Variants in CDH12 observed in about 807,000 individuals in gnomAD.
The protein encoded by CDH12 is cadherin 12, also known as cadherin-12.
CDH12 carries 41 observed loss-of-function variants against 74.1 expected under a neutral mutation model. That is an observed-to-expected ratio of 0.55 (90% confidence interval 0.43 to 0.72). The LOEUF (loss-of-function observed/expected upper bound fraction) is 0.72. Among genes scored for constraint, CDH12 ranks in the 30% least tolerant of loss-of-function variants. The pLI is 0.00. For synonymous variants in CDH12, 399 were observed against 355.0 expected (o/e 1.12, Z -1.39); for missense variants, 945 against 977.2 (o/e 0.97, Z 0.44).
chr5:22,410,874 C>CA (rs1743142861), intron 2 of CDH12, among the ~76,000 whole-genome samples: 3 of 151,980 alleles, frequency 2.0e-5, no homozygotes, highest in Admixed American at 2.0e-4. Flanking sequence ...GCAGCTGACC[C>CA]AATGAAGGCT....
At chr5:22,761,954 C>CACAA (rs1553999890) in intron 1 of CDH12, among the ~76,000 whole-genome samples, 2 of 151,586 alleles carry the variant, frequency 1.3e-5, no homozygotes, top group South Asian at 2.1e-4. Flanking sequence ...CACACACACA[C>CACAA]AATCACACAC....
intron 2 of CDH12, among the ~76,000 whole-genome samples, chr5:22,501,251 A>T (rs906143906): frequency 1.3e-5 from 2 of 152,312 alleles, no homozygotes; most frequent in African/African-American, 4.8e-5. Flanking sequence ...TTTTAAGAGC[A>T]TCGTGTGATC....
intron 1 of CDH12, among the ~76,000 whole-genome samples, chr5:22,749,042 A>C (rs937691829): frequency 5.9e-5 from 9 of 152,200 alleles, no homozygotes; most frequent in Non-Finnish European, 1.2e-4. Context: ...TTAGGTTTTA[A>C]ACACAATGCT....
intron 1 of CDH12, among the ~76,000 whole-genome samples, chr5:22,636,920 T>C (rs944918728): frequency 9.9e-5 from 15 of 152,156 alleles, no homozygotes; most frequent in African/African-American, 2.9e-4. Flanking sequence ...AGGGGAACAG[T>C]TGGATGAACA....
intron 3 of CDH12, among the ~76,000 whole-genome samples, chr5:22,367,953 G>A (rs1360291431): frequency 6.6e-6 from 1 of 151,974 alleles, no homozygotes; most frequent in Non-Finnish European, 1.5e-5. Flanking sequence ...TATATACATT[G>A]AGGTCAACCT....
chr5:22,092,509 A>G (rs1258254035), intron 4 of CDH12, among the ~76,000 whole-genome samples: 4 of 152,268 alleles, frequency 2.6e-5, no homozygotes, highest in Non-Finnish European at 5.9e-5. Context: ...CCATGAAAGG[A>G]CTGTCAACAC....
chr5:21,872,920 T>TCTATCTATCTATCTATCTATCTAG (rs1751720198), intron 6 of CDH12, among the ~76,000 whole-genome samples: 1 of 151,694 alleles, frequency 6.6e-6, no homozygotes, highest in Non-Finnish European at 1.5e-5. Flanking sequence ...TATCTATCTA[T>TCTATCTATCTATCTATCTATCTAG]CATCTTCCTA....
intron 4 of CDH12, among the ~76,000 whole-genome samples, chr5:22,154,860 T>A (rs554494363): frequency 6.6e-6 from 1 of 152,094 alleles, no homozygotes; most frequent in Non-Finnish European, 1.5e-5. Context: ...AGTCCTCTTC[T>A]CAGGGTCTCA....
chr5:22,173,375 C>A (rs1036149567), intron 4 of CDH12, among the ~76,000 whole-genome samples: 2 of 142,308 alleles, frequency 1.4e-5, no homozygotes, highest in African/African-American at 5.0e-5. Flanking sequence ...ATAATACATA[C>A]ACTTTTATAT....
At chr5:21,778,186 A>G (rs1435476260) in intron 11 of CDH12, among the ~76,000 whole-genome samples, 1 of 152,086 alleles carries the variant, frequency 6.6e-6, no homozygotes, top group Non-Finnish European at 1.5e-5. Flanking sequence ...TTCTGGAATG[A>G]GAGACTCCAG....
chr5:22,414,998 TA>T (rs1017319656), intron 2 of CDH12, among the ~76,000 whole-genome samples: 4 of 152,114 alleles, frequency 2.6e-5, no homozygotes, highest in African/African-American at 9.7e-5. Context: ...TTTCTATTAC[TA>T]AAATATGTAT....
At chr5:21,922,663 G>A (rs1288491698) in intron 6 of CDH12, among the ~76,000 whole-genome samples, 5 of 152,014 alleles carry the variant, frequency 3.3e-5, no homozygotes, top group Admixed American at 2.6e-4. Context: ...TGGTTTACTA[G>A]AAAAAATAAA....
intron 8 of CDH12, among the ~76,000 whole-genome samples, chr5:21,840,574 C>G (rs377350116): frequency 0.02 from 3,059 of 152,052 alleles, 55 homozygotes; most frequent in African/African-American, 0.057. Flanking sequence ...AAGAACAAAG[C>G]TGGAGGCATC....
At chr5:22,353,587 A>T (rs1016819839) in intron 3 of CDH12, among the ~76,000 whole-genome samples, 2 of 152,188 alleles carry the variant, frequency 1.3e-5, no homozygotes, top group Admixed American at 6.5e-5. Flanking sequence ...TCACACAAAC[A>T]TACTCACACA....
At chr5:22,373,608 A>G (rs1460173869) in intron 3 of CDH12, among the ~76,000 whole-genome samples, 1 of 152,216 alleles carries the variant, frequency 6.6e-6, no homozygotes, top group Admixed American at 6.5e-5. Context: ...TCTATTCCCC[A>G]GCAAAACTTC....
intron 4 of CDH12, among the ~76,000 whole-genome samples, chr5:22,082,023 C>T (rs1486018229): frequency 1.3e-5 from 2 of 152,082 alleles, no homozygotes; most frequent in Non-Finnish European, 2.9e-5. Flanking sequence ...AGGATAGTAC[C>T]GAAGCTGTTA....
At chr5:22,711,505 A>G (rs1184606603) in intron 1 of CDH12, among the ~76,000 whole-genome samples, 1 of 152,086 alleles carries the variant, frequency 6.6e-6, no homozygotes, top group Non-Finnish European at 1.5e-5. Context: ...GAAAACAAAC[A>G]GCAATTATAG....
rs148547158 is a variant in CDH12 at position 21,915,433 on chromosome 5, C to T, written c.526+59658G>A. On this transcript the variant is annotated intron_variant, in intron 6 of 14. Coordinates refer to ENST00000382254, the MANE Select transcript of CDH12 (RefSeq NM_004061.5). ...AAATATAAGAATTTAAAAAGGAACA[C>T]AATGACCTAACTATGGGGCAAGTTA... 1.7e-4 allele frequency among the ~76,000 whole-genome samples: 26 copies of T among 152,192 alleles called. 1 individual carries two copies. The East Asian group carries it at 3.5e-3, about 20-fold the overall frequency.
intron 6 of CDH12, among the ~76,000 whole-genome samples, chr5:21,867,824 C>T (rs1381643056): frequency 6.6e-6 from 1 of 152,094 alleles, no homozygotes; most frequent in Non-Finnish European, 1.5e-5. Flanking sequence ...GCATGATTGG[C>T]TTTTAAATGT....
Sources: gnomAD v4.1 joint callset for allele counts (sites outside exome capture counted in the v4.1 genomes callset) on GRCh38, gnomAD v4.1.1 for gene constraint, MANE v1.5 for transcripts, NCBI Gene and HGNC (gene_info 2026-07-23, HGNC 2026-07-21) for gene names.